The following GRB2 variants were observed in gnomAD, a reference collection of about 807,000 sequenced individuals.
GRB2 encodes growth factor receptor-bound protein 2.
Under a neutral mutation model 27.4 loss-of-function variants are expected in GRB2, and 2 were observed. The observed-to-expected ratio is 0.07, with a 90% CI of 0.03 to 0.23. The LOEUF is 0.23. Among genes scored for constraint, GRB2 ranks in the 10% least tolerant of loss-of-function variants. The pLI, the probability that GRB2 is intolerant of heterozygous loss-of-function variation, is 1.00. For missense variants in GRB2, 102 were observed against 282.4 expected (o/e 0.36, Z 4.58); for synonymous variants, 94 against 99.6 (o/e 0.94, Z 0.33).
intron 2 of GRB2, among the ~76,000 whole-genome samples, chr17:75,388,836 A>AG (rs1221255069): frequency 6.6e-6 from 1 of 152,194 alleles, no homozygotes; most frequent in Non-Finnish European, 1.5e-5. Context: ...CAACCAAACT[A>AG]GGGATTGGCT....
At chr17:75,368,025 A>G (rs534348728) in intron 2 of GRB2, among the ~76,000 whole-genome samples, 104 of 151,642 alleles carry the variant, frequency 6.9e-4, no homozygotes, top group Non-Finnish European at 1.3e-3. Context: ...AACGATTCTC[A>G]TGCCTCAGCC....
chr17:75,323,818 T>C (rs2078477422), intron 4 of GRB2, among the ~76,000 whole-genome samples: 1 of 151,788 alleles, frequency 6.6e-6, no homozygotes, highest in Non-Finnish European at 1.5e-5. Flanking sequence ...TTTTTTTTTT[T>C]TTTTAAAGAT....
At chr17:75,353,306 C>G (rs2078705476) in intron 2 of GRB2, among the ~76,000 whole-genome samples, 1 of 152,016 alleles carries the variant, frequency 6.6e-6, no homozygotes, top group African/African-American at 2.4e-5. Flanking sequence ...CGTAAGTGGG[C>G]TGTGCATCCT....
intron 2 of GRB2, among the ~76,000 whole-genome samples, chr17:75,376,341 T>C (rs1459341242): frequency 2.5e-5 from 1 of 40,326 alleles, no homozygotes; most frequent in Non-Finnish European, 9.3e-5. Context: ...AGAGACTCTG[T>C]CTCAAAAAAA....
rs561902981 is a variant in GRB2 at position 75,330,687 on chromosome 17, GAAC to G, written c.176+2010_176+2012del. Among the ~76,000 whole-genome samples the G allele has an allele frequency of 1.2e-3, 181 of 145,044 alleles. 2 individuals carry two copies. The highest frequency in any genetic ancestry group is 4.8e-3 in the East Asian group (24 of 4,976). ...GGATTCCGTCTCATAAAAACAACAAGAACAACAACAAACAAAAAACAAAAAAAA... is the reference window on the plus strand; with the variant it reads ...GGATTCCGTCTCATAAAAACAACAAGAACAACAAACAAAAAACAAAAAAAA... On this transcript the variant is annotated intron_variant, in intron 3 of 5. Transcript: ENST00000316804.
At chr17:75,381,616 G>A (rs1028348559) in intron 2 of GRB2, among the ~76,000 whole-genome samples, 3 of 150,602 alleles carry the variant, frequency 2.0e-5, no homozygotes, top group African/African-American at 7.3e-5. Context: ...AGCTACTCAG[G>A]AGGCTGAGGC....
intron 1 of GRB2, among the ~76,000 whole-genome samples, chr17:75,398,823 C>T (rs2079045509): frequency 6.6e-6 from 1 of 152,134 alleles, no homozygotes; most frequent in South Asian, 2.1e-4. Context: ...TCTCCGCTCA[C>T]TGCAACCTCC....
chr17:75,401,272 C>T (rs1490004137), intron 1 of GRB2, among the ~76,000 whole-genome samples: 1 of 151,460 alleles, frequency 6.6e-6, no homozygotes, highest in South Asian at 2.1e-4. Context: ...GGTGAAACCC[C>T]GTCTCTACTA....
chr17:75,388,873 C>T (rs1162452784), intron 2 of GRB2, among the ~76,000 whole-genome samples: 1 of 152,168 alleles, frequency 6.6e-6, no homozygotes, highest in African/African-American at 2.4e-5. Context: ...CATTGAGGAT[C>T]ATAATCAAAG....
intron 2 of GRB2, among the ~76,000 whole-genome samples, chr17:75,382,723 A>ATTTATTTG (rs1246970027): frequency 6.6e-6 from 1 of 151,880 alleles, no homozygotes; most frequent in Non-Finnish European, 1.5e-5. Context: ...TTATTTATTT[A>ATTTATTTG]TTTTAGACGG....
intron 2 of GRB2, chr17:75,371,839 T>C (rs1323490899): frequency 6.6e-6 from 1 of 151,936 alleles, no homozygotes; most frequent in Non-Finnish European, 1.5e-5. Flanking sequence ...CCCAACCCAT[T>C]ATTTCTGACA....
chr17:75,392,900 C>A (rs1256182904), intron 2 of GRB2, among the ~76,000 whole-genome samples: 2 of 152,192 alleles, frequency 1.3e-5, no homozygotes, highest in African/African-American at 2.4e-5. Flanking sequence ...CAGCAGGTTT[C>A]TTTTCGTGCA....
At chr17:75,331,986 C>T (rs1304227898) in intron 3 of GRB2, among the ~76,000 whole-genome samples, 2 of 152,130 alleles carry the variant, frequency 1.3e-5, no homozygotes, top group Non-Finnish European at 2.9e-5. Flanking sequence ...CAAGGGCATT[C>T]TAGTCTGAGC....
At chr17:75,403,706 G>C (rs1309553386) in intron 1 of GRB2, among the ~76,000 whole-genome samples, 1 of 151,814 alleles carries the variant, frequency 6.6e-6, no homozygotes, top group Non-Finnish European at 1.5e-5. Context: ...GGAAGCTGCA[G>C]TGAGCCGAGA....
intron 2 of GRB2, among the ~76,000 whole-genome samples, chr17:75,374,681 G>GGAA (rs1431921439): frequency 6.6e-6 from 1 of 151,966 alleles, no homozygotes; most frequent in Non-Finnish European, 1.5e-5. Flanking sequence ...CAGCTACTCG[G>GGAA]GAAGCTGATG....
chr17:75,398,696 C>G (rs1186631491), intron 1 of GRB2, among the ~76,000 whole-genome samples: 1 of 152,200 alleles, frequency 6.6e-6, no homozygotes, highest in Non-Finnish European at 1.5e-5. Flanking sequence ...TTAATGAGCT[C>G]AGCTCAATCT....
intron 2 of GRB2, among the ~76,000 whole-genome samples, chr17:75,369,718 G>A (rs1451383675): frequency 3.3e-5 from 5 of 151,388 alleles, no homozygotes; most frequent in African/African-American, 9.7e-5. Flanking sequence ...AATTAGCCGG[G>A]TGTGGGGGTG....
intron 3 of GRB2, 138 bp downstream of exon 3, chr17:75,332,562 C>A: frequency 1.6e-6 from 1 of 614,184 alleles, no homozygotes; most frequent in Non-Finnish European, 2.9e-6. Context: ...TTAACATGCA[C>A]AATCAATATC....
intron 2 of GRB2, among the ~76,000 whole-genome samples, chr17:75,341,726 T>C (rs2078622905): frequency 6.6e-6 from 1 of 152,068 alleles, no homozygotes; most frequent in African/African-American, 2.4e-5. Flanking sequence ...ACTGCTTTCT[T>C]TCCAACTGCA....
Sources: gnomAD v4.1 joint callset for allele counts (sites outside exome capture counted in the v4.1 genomes callset) on GRCh38, gnomAD v4.1.1 for gene constraint, MANE v1.5 for transcripts, NCBI Gene and HGNC (gene_info 2026-07-23, HGNC 2026-07-21) for gene names.